SLC39A1: variants seen among roughly 807,000 people sequenced by gnomAD.
SLC39A1 encodes the protein zinc transporter ZIP1.
Under a neutral mutation model 21.4 loss-of-function variants are expected in SLC39A1, and 17 were observed. The observed-to-expected ratio is 0.79, with a 90% confidence interval of 0.54 to 1.19. SLC39A1 has a LOEUF of 1.19. Among genes scored for constraint, SLC39A1 ranks in the 50% most tolerant of loss-of-function variants. The pLI, the probability that SLC39A1 is intolerant of heterozygous loss-of-function variation, is 0.00. For synonymous variants in SLC39A1, 183 were observed against 185.9 expected (o/e 0.98, Z 0.13); for missense variants, 343 against 399.8 (o/e 0.86, Z 1.21).
chr1:153,965,342 G>A (rs887598571), upstream of SLC39A1, among the ~76,000 whole-genome samples: 1 of 151,990 alleles, frequency 6.6e-6, no homozygotes, highest in Non-Finnish European at 1.5e-5. Flanking sequence ...CAGGAGAATC[G>A]CTTGAACCGG....
intron 3 of SLC39A1, 61 bp downstream of exon 3, chr1:153,962,159 C>A: frequency 6.4e-7 from 1 of 1,572,868 alleles, no homozygotes; most frequent in African/African-American, 1.4e-5. Flanking sequence ...CTCCACAAAC[C>A]AACACTCCCA....
In SLC39A1 at chr1:153,959,940, G is replaced by T; in HGVS notation, c.*158C>A. On this transcript the variant is annotated 3_prime_UTR_variant, in exon 4 of 4. Coordinates refer to ENST00000356205, the MANE Select transcript of SLC39A1 (RefSeq NM_001271958.2). Reference sequence around the variant, plus strand: ...TTGTCTGCCCACTTCCCTCTCATTAGTCAGATAGCCCCAAAGGCTCTATCT... The same window carrying T: ...TTGTCTGCCCACTTCCCTCTCATTATTCAGATAGCCCCAAAGGCTCTATCT... 1.3e-6 allele frequency: 1 copy of T among 791,718 alleles called. No individual in the cohort carries two copies. Among genetic ancestry groups the T allele is most frequent in the Non-Finnish European group, 2.0e-6 (1 of 502,652 alleles). The allele number at this position is 791,718 out of a possible 1,614,324, so 49.0% of individuals were successfully genotyped here.
intron 3 of SLC39A1, 79 bp from the exon 4 acceptor site, chr1:153,960,833 A>AC: frequency 2.8e-6 from 4 of 1,408,014 alleles, no homozygotes; most frequent in Non-Finnish European, 2.9e-6. Context: ...AGTTACACAG[A>AC]CCTAGGGTCT....
chr1:153,962,585 C>T lies in SLC39A1; in HGVS notation c.131G>A (p.Cys44Tyr), dbSNP rs1463725661. Residue 44 changes from cysteine (C) to tyrosine (Y), a missense_variant, in exon 2 of 4, where the codon TGC becomes TAC. Coordinates refer to ENST00000356205, the MANE Select transcript of SLC39A1 (RefSeq NM_001271958.2). ...LVLLLVLTLL[C>Y]SLVPICVLRR... ...CAGCACACAGATGGGCACCAGGCTGCAGAGGAGGGTGAGCACCAGCAGCAG... is the reference window on the plus strand; with the variant it reads ...CAGCACACAGATGGGCACCAGGCTGTAGAGGAGGGTGAGCACCAGCAGCAG... 1 of 1,613,674 alleles carries T rather than the reference C, an allele frequency of 6.2e-7. No homozygotes were observed. The highest frequency in any genetic ancestry group is 8.5e-7 in the Non-Finnish European group (1 of 1,179,984).
At chr1:153,965,689 C>G (rs535998959), upstream of SLC39A1, among the ~76,000 whole-genome samples, 12 of 152,078 alleles carry the variant, frequency 7.9e-5, no homozygotes, top group Middle Eastern at 6.9e-3. Flanking sequence ...AGGTTTCAAG[C>G]AATTCTCCCG....
Position 153,960,474 on chromosome 1 carries a change from A to T in SLC39A1, c.599T>A (p.Leu200Gln), listed in dbSNP as rs1030348709. The change falls in exon 4 of 4, where the codon CTG (leucine) becomes CAG (glutamine). Residue 200 changes from leucine to glutamine, a missense_variant. By Grantham distance (113) the Leu-to-Gln change is moderately radical. Coordinates refer to ENST00000356205, the MANE Select transcript of SLC39A1 (RefSeq NM_001271958.2). ...HSVFEGLAVG[L>Q]QRDRARAMEL... ...CATGGCCCGAGCCCGGTCTCGCTGC[A>T]GCCCTACCGCCAGCCCCTCGAACAC... 1 of 1,613,526 alleles carries T rather than the reference A, an allele frequency of 6.2e-7. No individual in the cohort carries two copies. The highest frequency in any genetic ancestry group is 8.5e-7 in the Non-Finnish European group (1 of 1,179,808).
In SLC39A1 at chr1:153,960,550, G is replaced by A; in HGVS notation, c.523C>T (p.Pro175Ser). Residue 175 changes from proline to serine, a missense_variant, in exon 4 of 4, where the codon CCC becomes TCC. Coordinates refer to ENST00000356205, the MANE Select transcript of SLC39A1 (RefSeq NM_001271958.2). ...AGTACACAGGCACGCAAGGCTGAGG[G>A]GGTTGCTGGGGCTCCACTCGCCTGT... ...VPQASGAPAT[P>S]SALRACVLVF... 6.2e-7 allele frequency: 1 copy of A among 1,614,042 alleles called. No homozygotes were observed. Among genetic ancestry groups the A allele is most frequent in the Non-Finnish European group, 8.5e-7 (1 of 1,180,036 alleles).
In SLC39A1 at chr1:153,962,632, C is replaced by T. The variant is rs1029121975; in HGVS notation, c.84G>A (p.Glu28=). Residue 28 remains glutamate (E), a synonymous_variant, in exon 2 of 4, where the codon GAG becomes GAA. Coordinates refer to ENST00000356205, the MANE Select transcript of SLC39A1 (RefSeq NM_001271958.2). ...GCAGCACCAGGGCCCCCAACTTCAC[C>T]TCCAGCCCCACAGGCACTGGAGGCT... is the stretch of plus-strand genomic sequence containing the variant. The part of the protein sequence containing the change: ...ASEPPVPVGL[E]VKLGALVLLL... 6 of 1,613,300 alleles carry T rather than the reference C, an allele frequency of 3.7e-6. No homozygotes were observed. In the African/African-American group the frequency reaches 4.0e-5, roughly 11 times the overall value.
At position 153,959,731 on chromosome 1, in the gene SLC39A1, G is replaced by C. The variant is rs1647248608; in HGVS notation, c.*367C>G. The C allele has an allele frequency of 3.8e-6, 1 of 263,940 alleles. No homozygotes were observed. 16.3% of individuals were successfully genotyped at this position (263,940 alleles called of 1,614,324 possible). On this transcript the variant is annotated 3_prime_UTR_variant, in exon 4 of 4. Coordinates refer to ENST00000356205, the MANE Select transcript of SLC39A1 (RefSeq NM_001271958.2). ...AACAGGACACTGACTCTAGGTTTAT[G>C]ACCTGTCCATACCCGTTCCACAGCA...
Position 153,960,083 on chromosome 1 carries a change from C to T in SLC39A1, c.*15G>A. The T allele has an allele frequency of 1.9e-6, 3 of 1,582,980 alleles. No homozygotes were observed. The highest frequency in any genetic ancestry group is 3.5e-5 in the Admixed American group (2 of 57,812). On this transcript the variant is annotated 3_prime_UTR_variant, in exon 4 of 4. Coordinates refer to ENST00000356205, the MANE Select transcript of SLC39A1 (RefSeq NM_001271958.2). ...ACCTGATCATCAATCTCCCCTGCCC[C>T]TCTCTTGAAGCCCCCTAGATTTGGA...
chr1:153,959,795 C>T lies in SLC39A1; in HGVS notation c.*303G>A. On this transcript the variant is annotated 3_prime_UTR_variant, in exon 4 of 4. Coordinates refer to ENST00000356205, the MANE Select transcript of SLC39A1 (RefSeq NM_001271958.2). ...CTCCAGCCTCCCATGTGAGCCTGTCCTTATGTATAGTGTCCAACCTCTGAT... is the reference window on the plus strand; with the variant it reads ...CTCCAGCCTCCCATGTGAGCCTGTCTTTATGTATAGTGTCCAACCTCTGAT... 2.7e-6 allele frequency: 1 copy of T among 376,266 alleles called. No homozygotes were observed. The highest frequency in any genetic ancestry group is 4.9e-6 in the Non-Finnish European group (1 of 205,578). The allele number at this position is 376,266 out of a possible 1,614,324, so 23.3% of individuals were successfully genotyped here.
chr1:153,959,773 C>T lies in SLC39A1; in HGVS notation c.*325G>A, dbSNP rs117139030. 1.2e-5 allele frequency: 4 copies of T among 333,870 alleles called. No homozygotes were observed. The East Asian group carries it at 2.2e-4, about 18-fold the overall frequency. 20.7% of individuals were successfully genotyped at this position (333,870 alleles called of 1,614,324 possible). On this transcript the variant is annotated 3_prime_UTR_variant, in exon 4 of 4. Coordinates refer to ENST00000356205, the MANE Select transcript of SLC39A1 (RefSeq NM_001271958.2). Reference sequence around the variant, plus strand: ...TCCACAGCAGCTGGGTACCCACCTCCAGCCTCCCATGTGAGCCTGTCCTTA... The same window carrying T: ...TCCACAGCAGCTGGGTACCCACCTCTAGCCTCCCATGTGAGCCTGTCCTTA...
Position 153,960,446 on chromosome 1 carries a change from C to T in SLC39A1, c.627G>A (p.Glu209=). The T allele has an allele frequency of 6.2e-7, 1 of 1,613,896 alleles. No individual in the cohort carries two copies. Among genetic ancestry groups the T allele is most frequent in the African/African-American group, 1.3e-5 (1 of 75,076 alleles). ...TGTGGAGCAGCAAAGCCAGGCACAG[C>T]TCCATGGCCCGAGCCCGGTCTCGCT... The part of the protein sequence containing the change: ...GLQRDRARAM[E]LCLALLLHKG... Residue 209 remains glutamate, a synonymous_variant, in exon 4 of 4, where the codon GAG becomes GAA. Transcript: ENST00000356205.
At chr1:153,966,069 C>T (rs143604891), upstream of SLC39A1, among the ~76,000 whole-genome samples, 154 of 152,262 alleles carry the variant, frequency 1.0e-3, 1 homozygote, top group Admixed American at 7.7e-3. Context: ...CATCTCTGCA[C>T]ATACAGCCCG....
At chr1:153,967,549 G>C (rs564878840), upstream of SLC39A1, 1 of 152,380 alleles carries the variant, frequency 6.6e-6, no homozygotes, top group East Asian at 1.9e-4. Context: ...TGCTCGCGGT[G>C]CTGAGGCGGG....
At position 153,962,766 on chromosome 1, in the gene SLC39A1, G is replaced by A; in HGVS notation, c.-32-19C>T. On this transcript the variant is annotated intron_variant, in intron 1 of 3. Transcript: ENST00000356205. ...CTCAGACCTAGGAAGACAGACCAGA[G>A]TGGTTGGGAAAAATCATGCAAAGGA... The A allele has an allele frequency of 1.4e-6, 2 of 1,459,460 alleles. No individual in the cohort carries two copies. The highest frequency in any genetic ancestry group is 1.8e-6 in the Non-Finnish European group (2 of 1,104,238). 90.4% of individuals were successfully genotyped at this position (1,459,460 alleles called of 1,614,324 possible).
In SLC39A1 at chr1:153,962,624, A is replaced by C; in HGVS notation, c.92T>G (p.Leu31Trp). 6.2e-7 allele frequency: 1 copy of C among 1,613,474 alleles called. No individual in the cohort carries two copies. Among genetic ancestry groups the C allele is most frequent in the Non-Finnish European group, 8.5e-7 (1 of 1,179,804 alleles). ...PPVPVGLEVKLGALVLLLVLT... is the reference protein window; with the variant it reads ...PPVPVGLEVKWGALVLLLVLT... ...CACCAGCAGCAGCACCAGGGCCCCC[A>C]ACTTCACCTCCAGCCCCACAGGCAC... is the stretch of plus-strand genomic sequence containing the variant. Residue 31 changes from leucine (L) to tryptophan (W), a missense_variant, in exon 2 of 4, where the codon TTG (leucine) becomes TGG (tryptophan). By Grantham distance (61) the Leu-to-Trp change is moderately conservative. Coordinates refer to ENST00000356205, the MANE Select transcript of SLC39A1 (RefSeq NM_001271958.2).
chr1:153,959,973 C>T lies in SLC39A1; in HGVS notation c.*125G>A. On this transcript the variant is annotated 3_prime_UTR_variant, in exon 4 of 4. Coordinates refer to ENST00000356205, the MANE Select transcript of SLC39A1 (RefSeq NM_001271958.2). ...GCCCCAAAGGCTCTATCTTTAGCTC[C>T]CAGAGAACTTTTTGGTCCTCAGTAT... 8.6e-7 allele frequency: 1 copy of T among 1,157,052 alleles called. No individual in the cohort carries two copies. Among genetic ancestry groups the T allele is most frequent in the Non-Finnish European group, 1.2e-6 (1 of 820,504 alleles). The allele number at this position is 1,157,052 out of a possible 1,614,324, so 71.7% of individuals were successfully genotyped here.
upstream of SLC39A1, among the ~76,000 whole-genome samples, chr1:153,965,898 C>T (rs1175782709): frequency 2.0e-5 from 3 of 151,928 alleles, no homozygotes; most frequent in Middle Eastern, 3.2e-3. Context: ...AATAGATCTC[C>T]TCAATTTTAC....
Sources: gnomAD v4.1 joint callset for allele counts (sites outside exome capture counted in the v4.1 genomes callset) on GRCh38, gnomAD v4.1.1 for gene constraint, MANE v1.5 for transcripts, NCBI Gene and HGNC (gene_info 2026-07-23, HGNC 2026-07-21) for gene names.